Variants in HDGFL2 observed in about 807,000 individuals in gnomAD.
HDGFL2 encodes the protein HDGF like 2, also known as hepatoma-derived growth factor-related protein 2.
Under a neutral mutation model 77.1 loss-of-function variants are expected in HDGFL2, and 36 were observed. The ratio of observed to expected loss-of-function variants is 0.47; its 90% CI spans 0.36 to 0.62. HDGFL2 has a LOEUF of 0.62. HDGFL2 is among the 20% of genes least tolerant of loss of function. HDGFL2 has a pLI of 0.00. For missense variants in HDGFL2, 976 were observed against 973.4 expected (o/e 1.00, Z -0.04); for synonymous variants, 463 against 413.1 (o/e 1.12, Z -1.46).
chr19:4,500,954 G>A (rs190857360), intron 14 of HDGFL2, among the ~76,000 whole-genome samples: 26 of 152,258 alleles, frequency 1.7e-4, no homozygotes, highest in African/African-American at 5.5e-4. Flanking sequence ...GGCTGCCCAC[G>A]TTCCCTCATT....
chr19:4,494,641 C>T lies in HDGFL2; in HGVS notation c.1224+166C>T, dbSNP rs569009551. On this transcript the variant is annotated intron_variant, in intron 9 of 15. Transcript: ENST00000616600. ...GGGACATTCATGGGAGGGAGGGGGC[C>T]GGGCTTGGTGGCTCACGCCTGTTAT... 2.4e-3 allele frequency among the ~76,000 whole-genome samples: 360 copies of T among 152,260 alleles called. 1 individual carries two copies. Among genetic ancestry groups the T allele is most frequent in the African/African-American group, 8.0e-3 (331 of 41,532 alleles).
chr19:4,499,477 C>CGG lies in HDGFL2; in HGVS notation c.1576-14_1576-13insGG. On this transcript the variant is annotated splice_polypyrimidine_tract_variant and intron_variant, in intron 13 of 15. Coordinates refer to ENST00000616600, the MANE Select transcript of HDGFL2 (RefSeq NM_001001520.3). ...TGCACTTGGGTGAGCCAGGCCTCTT[C>CGG]TCTTGGTGGCCAGATTCGCCGTTAC... 6.2e-7 allele frequency: 1 copy of CGG among 1,610,374 alleles called. No individual in the cohort carries two copies. The highest frequency in any genetic ancestry group is 1.7e-4 in the Middle Eastern group (1 of 6,038).
intron 3 of HDGFL2, among the ~76,000 whole-genome samples, chr19:4,486,078 C>T (rs1337175643): frequency 1.4e-5 from 2 of 147,554 alleles, no homozygotes; most frequent in Non-Finnish European, 3.0e-5. Flanking sequence ...AAAACAACAA[C>T]CACGAAAACT....
chr19:4,482,336 A>G (rs1186551106), intron 3 of HDGFL2, among the ~76,000 whole-genome samples: 1 of 151,700 alleles, frequency 6.6e-6, no homozygotes, highest in East Asian at 1.9e-4. Flanking sequence ...CAGCCTCCCA[A>G]GTAGCCGGGA....
At chr19:4,486,805 C>T (rs187934269) in intron 3 of HDGFL2, among the ~76,000 whole-genome samples, 24 of 152,310 alleles carry the variant, frequency 1.6e-4, no homozygotes, top group African/African-American at 5.3e-4. Context: ...GGGTATATGT[C>T]AGCTTCTTCT....
intron 3 of HDGFL2, among the ~76,000 whole-genome samples, chr19:4,487,824 C>CTG (rs1198669893): frequency 6.6e-6 from 1 of 152,010 alleles, no homozygotes; most frequent in Admixed American, 6.6e-5. Flanking sequence ...TTTGTGATTT[C>CTG]TGTGGCTGTC....
intron 3 of HDGFL2, among the ~76,000 whole-genome samples, chr19:4,479,860 G>A (rs1599702108): frequency 6.9e-6 from 1 of 145,856 alleles, no homozygotes; most frequent in Non-Finnish European, 1.5e-5. Flanking sequence ...GAGCTGAGAT[G>A]CTGCCACTGC....
chr19:4,487,111 C>T (rs1303485603), intron 3 of HDGFL2, among the ~76,000 whole-genome samples: 1 of 151,854 alleles, frequency 6.6e-6, no homozygotes, highest in African/African-American at 2.4e-5. Flanking sequence ...ATTACAGGCG[C>T]CCGCCACCAC....
chr19:4,485,211 C>G (rs1975329852), intron 3 of HDGFL2, among the ~76,000 whole-genome samples: 2 of 152,202 alleles, frequency 1.3e-5, no homozygotes, highest in Admixed American at 6.5e-5. Context: ...CCTTCTATCT[C>G]TCTGGATGGG....
chr19:4,488,871 C>T lies in HDGFL2; in HGVS notation c.484C>T (p.Leu162=). 3 of 1,551,088 alleles carry T rather than the reference C, an allele frequency of 1.9e-6. No homozygotes were observed. Among genetic ancestry groups the T allele is most frequent in the Non-Finnish European group, 8.7e-7 (1 of 1,146,896 alleles). Reference sequence around the variant, plus strand: ...TGGCCTGAAGAGGAAGACGCCTGCGCTAAAGGTAGGGGAGGACCAAGGTGG... The same window carrying T: ...TGGCCTGAAGAGGAAGACGCCTGCGTTAAAGGTAGGGGAGGACCAAGGTGG... ...NSGLKRKTPA[L]KMSVSKRARK... The change falls in exon 4 of 16, where the codon CTA becomes TTA. Residue 162 remains leucine (L), a synonymous_variant. Transcript: ENST00000616600.
chr19:4,492,833 CTG>C (rs748929676), intron 6 of HDGFL2, among the ~76,000 whole-genome samples: 6 of 129,640 alleles, frequency 4.6e-5, no homozygotes, highest in African/African-American at 1.2e-4. Flanking sequence ...TGTGTGTTAT[CTG>C]TGTGGTGTGT....
intron 9 of HDGFL2, among the ~76,000 whole-genome samples, chr19:4,496,017 A>G (rs1404847436): frequency 6.6e-6 from 1 of 152,102 alleles, no homozygotes; most frequent in Non-Finnish European, 1.5e-5. Flanking sequence ...AAGGGCACCG[A>G]ACTCCTGGTG....
At chr19:4,485,964 G>C (rs546250308) in intron 3 of HDGFL2, among the ~76,000 whole-genome samples, 5 of 144,216 alleles carry the variant, frequency 3.5e-5, no homozygotes, top group Non-Finnish European at 6.0e-5. Context: ...GAGGTGGGAG[G>C]ATCACCTGAG....
At chr19:4,488,628 C>T in intron 3 of HDGFL2, 48 bp from the exon 4 acceptor site, 1 of 1,495,962 alleles carries the variant, frequency 6.7e-7, no homozygotes. Context: ...ATGGGGAAAT[C>T]CACCCACGAC....
At position 4,501,957 on chromosome 19, in the gene HDGFL2, C is replaced by G. The variant is rs1338464046; in HGVS notation, c.1963C>G (p.Gln655Glu). 6.7e-7 allele frequency: 1 copy of G among 1,502,136 alleles called. No homozygotes were observed. The allele number at this position is 1,502,136 out of a possible 1,614,324, so 93.1% of individuals were successfully genotyped here. A position where few individuals can be genotyped will look rare whatever the true frequency, so the allele number is the denominator to read the frequency against. ...CCTGGACAGGCCTGGGAGCGACCGG[C>G]AGGAGCGCGAGAGGGCACGGGGGGA... ...PDLDRPGSDR[Q>E]ERERARGDSE... The change falls in exon 16 of 16, where the codon CAG becomes GAG. Residue 655 changes from glutamine to glutamate, a missense_variant. By Grantham distance (29) the Gln-to-Glu change is conservative (BLOSUM62 2). Around this residue, in one of 5 missense-constraint regions of HDGFL2, gnomAD observed 229 missense variants for 187.3 expected, o/e 1.22. Coordinates refer to ENST00000616600, the MANE Select transcript of HDGFL2 (RefSeq NM_001001520.3).
chr19:4,479,772 G>A (rs1209387595), intron 3 of HDGFL2, among the ~76,000 whole-genome samples: 1 of 151,202 alleles, frequency 6.6e-6, no homozygotes, highest in East Asian at 1.9e-4. Context: ...CAGATGTGGT[G>A]GTGGGCACCT....
chr19:4,489,242 T>C (rs914178123), intron 4 of HDGFL2, among the ~76,000 whole-genome samples: 1 of 142,812 alleles, frequency 7.0e-6, no homozygotes, highest in African/African-American at 2.7e-5. Flanking sequence ...CTTGAGCCAC[T>C]GCGCCTGGCC....
chr19:4,491,458 G>C (rs1423536779), intron 4 of HDGFL2, 108 bp from the exon 5 acceptor site: 2 of 883,938 alleles, frequency 2.3e-6, no homozygotes, highest in Non-Finnish European at 3.6e-6. Context: ...TGGCCCGCCA[G>C]AGAGGTTCCA....
At chr19:4,491,149 A>C (rs565015959) in intron 4 of HDGFL2, among the ~76,000 whole-genome samples, 41 of 151,642 alleles carry the variant, frequency 2.7e-4, no homozygotes, top group African/African-American at 9.7e-4. Context: ...AGCAGCATTA[A>C]GCACATTCAC....
Sources: allele counts gnomAD v4.1 joint callset (sites outside exome capture counted in the v4.1 genomes callset), GRCh38; gene constraint gnomAD v4.1.1; regional missense constraint gnomAD v4.1.1; transcripts MANE v1.5; gene names NCBI Gene and HGNC (gene_info 2026-07-23, HGNC 2026-07-21).